TBR1: variants seen among roughly 807,000 people sequenced by gnomAD.
The protein encoded by TBR1 is T-box brain protein 1.
TBR1 carries 7 observed loss-of-function variants against 60.3 expected under a neutral mutation model. The ratio of observed to expected loss-of-function variants is 0.12; its 90% CI spans 0.07 to 0.22. TBR1 has a LOEUF of 0.22. Among genes scored for constraint, TBR1 ranks in the 10% least tolerant of loss-of-function variants. TBR1 has a pLI of 1.00. For missense variants in TBR1, 616 were observed against 936.8 expected (o/e 0.66, Z 4.47); for synonymous variants, 417 against 409.9 (o/e 1.02, Z -0.21).
intron 5 of TBR1, 161 bp downstream of exon 5, chr2:161,420,418 CTTTTTT>C (rs67826360): frequency 7.2e-4 from 69 of 95,374 alleles, no homozygotes; most frequent in East Asian, 2.7e-3. Context: ...TCTTCCTCTT[CTTTTTT>C]TTTTTTTTTT....
chr2:161,420,382 T>A, intron 5 of TBR1, 125 bp downstream of exon 5: 1 of 501,650 alleles, frequency 2.0e-6, no homozygotes, highest in Non-Finnish European at 3.3e-6. Flanking sequence ...TTAGAGGACT[T>A]CTTCTTCTTC....
Position 161,423,239 on chromosome 2 carries a change from G to T in TBR1, c.1191-130G>T, listed in dbSNP as rs1028624150. On this transcript the variant is annotated intron_variant, in intron 5 of 5. Coordinates refer to ENST00000389554, the MANE Select transcript of TBR1 (RefSeq NM_006593.4). The stretch of plus-strand genomic sequence containing the variant: ...TGTATTCTCCAGGAAATCCTGGACT[G>T]CAAGTTTGTAGATGGAGGGTGTGGG... The T allele has an allele frequency of 4.4e-5, 27 of 610,410 alleles. No homozygotes were observed. The African/African-American group carries it at 5.0e-4, about 11-fold the overall frequency. The allele number at this position is 610,410 out of a possible 1,614,324, so 37.8% of individuals were successfully genotyped here.
rs1259028943 is a variant in TBR1 at position 161,424,934 on chromosome 2, C to T, written c.*707C>T. 3 of 152,676 alleles carry T rather than the reference C, an allele frequency of 2.0e-5. No homozygotes were observed. The highest frequency in any genetic ancestry group is 2.9e-5 in the Non-Finnish European group (2 of 68,036). The allele number at this position is 152,676 out of a possible 1,614,324, so 9.5% of individuals were successfully genotyped here. ...TCTTGTGAGATAATATTCTAAGAGG[C>T]TCTAGAAACATGAAATACTCAGTAG... On this transcript the variant is annotated 3_prime_UTR_variant, in exon 6 of 6. Coordinates refer to ENST00000389554, the MANE Select transcript of TBR1 (RefSeq NM_006593.4). The surrounding 1 kb of genome is among the most constrained non-coding windows in gnomAD (Gnocchi z 4.4).
chr2:161,420,415 C>CTTTTTTTTTTTTTTTTTTTT (rs1318718499), intron 5 of TBR1, 158 bp downstream of exon 5: 1 of 187,390 alleles, frequency 5.3e-6, no homozygotes. Context: ...TCTTCTTCCT[C>CTTTTTTTTTTTTTTTTTTTT]TTCTTTTTTT....
At position 161,423,818 on chromosome 2, in the gene TBR1, C is replaced by A; in HGVS notation, c.1640C>A (p.Ala547Asp). The A allele has an allele frequency of 6.8e-7, 1 of 1,474,196 alleles. No homozygotes were observed. The highest frequency in any genetic ancestry group is 9.0e-7 in the Non-Finnish European group (1 of 1,117,004). The allele number at this position is 1,474,196 out of a possible 1,614,324, so 91.3% of individuals were successfully genotyped here. A position where few individuals can be genotyped will look rare whatever the true frequency, so the allele number is the denominator to read the frequency against. Reference protein sequence around the residue: ...GYYADPSGWGARSPPQYCGTK... With the variant: ...GYYADPSGWGDRSPPQYCGTK... ...TACGCCGACCCGTCGGGCTGGGGCG[C>A]CCGCAGTCCCCCGCAGTACTGCGGC... Residue 547 changes from alanine (A) to aspartate (D), a missense_variant, in exon 6 of 6, where the codon GCC (alanine) becomes GAC (aspartate). Transcript: ENST00000389554.
rs1197699686 is a variant in TBR1, at chr2:161,417,595, C to A, written c.693-81C>A. On this transcript the variant is annotated intron_variant, in intron 1 of 5. Transcript: ENST00000389554. This position sits in a 1 kb window ranked among gnomAD's most constrained non-coding sequence, Gnocchi z 5.3. ...GTACAAGTTTTGCTTTGCTAACTGG[C>A]GCCCCGCTTCTTGCATTTAATCTTT... is the stretch of plus-strand genomic sequence containing the variant. 7 of 1,514,694 alleles carry A rather than the reference C, an allele frequency of 4.6e-6. No homozygotes were observed. In the South Asian group the frequency reaches 8.0e-5, roughly 17 times the overall value. 93.8% of individuals were successfully genotyped at this position (1,514,694 alleles called of 1,614,324 possible). A position where few individuals can be genotyped will look rare whatever the true frequency, so the allele number is the denominator to read the frequency against.
chr2:161,419,151 A>AGGT lies in TBR1; in HGVS notation c.1128+101_1128+102insGGT, dbSNP rs1308499222. 1.1e-5 allele frequency: 17 copies of AGGT among 1,538,252 alleles called. No homozygotes were observed. The Admixed American group carries it at 3.2e-4, about 29-fold the overall frequency. On this transcript the variant is annotated intron_variant, in intron 4 of 5. Coordinates refer to ENST00000389554, the MANE Select transcript of TBR1 (RefSeq NM_006593.4). ...GCAAGGCTAGGGTACTAGCAGCGCT[A>AGGT]ACATCAGCAACAGCTGGCTCCGCTG...
At position 161,417,419 on chromosome 2, in the gene TBR1, C is replaced by A. The variant is rs1684141724; in HGVS notation, c.693-257C>A. The stretch of plus-strand genomic sequence containing the variant: ...TGGCATGCACGGACAGGTGGAGACG[C>A]AGGTCGCCAACCTCGCTCTCCACCT... On this transcript the variant is annotated intron_variant, in intron 1 of 5. Transcript: ENST00000389554. The surrounding 1 kb of genome is among the most constrained non-coding windows in gnomAD (Gnocchi z 5.3). 1.8e-6 allele frequency: 1 copy of A among 567,026 alleles called. No homozygotes were observed. Among genetic ancestry groups the A allele is most frequent in the Non-Finnish European group, 3.1e-6 (1 of 324,232 alleles). 35.1% of individuals were successfully genotyped at this position (567,026 alleles called of 1,614,324 possible).
chr2:161,418,668 C>T (rs1206675613), intron 3 of TBR1: 16 of 629,646 alleles, frequency 2.5e-5, no homozygotes, highest in Non-Finnish European at 3.4e-5. Context: ...TCGGCTTCCC[C>T]CTTTTTTCCG....
intron 5 of TBR1, chr2:161,423,018 T>G: frequency 3.4e-5 from 7 of 208,236 alleles, no homozygotes; most frequent in Non-Finnish European, 3.8e-5. Flanking sequence ...TGTGCACACA[T>G]ATGTTGGAGA....
chr2:161,420,148 T>C, intron 4 of TBR1, 48 bp from the exon 5 acceptor site: 1 of 1,514,992 alleles, frequency 6.6e-7, no homozygotes, highest in Non-Finnish European at 9.1e-7. Context: ...AAACACCCAG[T>C]CTTCACGTAT....
Position 161,418,297 on chromosome 2 carries a change from A to G in TBR1, c.944A>G (p.Lys315Arg). The change falls in exon 3 of 6, where the codon AAA becomes AGA. Residue 315 changes from lysine to arginine, a missense_variant. Transcript: ENST00000389554. ...GGAAAATTAAAACTTACGAACAACA[A>G]AGGAGCTTCAAATAACAATGGGCAG... ...SFGKLKLTNN[K>R]GASNNNGQMV... The G allele has an allele frequency of 6.2e-7, 1 of 1,614,032 alleles. No homozygotes were observed. Among genetic ancestry groups the G allele is most frequent in the Non-Finnish European group, 8.5e-7 (1 of 1,179,964 alleles).
At chr2:161,418,429 C>T (rs1684169642) in intron 3 of TBR1, 107 bp downstream of exon 3, 1 of 1,424,166 alleles carries the variant, frequency 7.0e-7, no homozygotes, top group East Asian at 2.4e-5. Context: ...CGTTTCTTTG[C>T]TTCATTAAAA....
At position 161,423,588 on chromosome 2, in the gene TBR1, G is replaced by A. The variant is rs1398335823; in HGVS notation, c.1410G>A (p.Pro470=). Residue 470 remains proline, a synonymous_variant, in exon 6 of 6, where the codon CCG becomes CCA. Transcript: ENST00000389554. ...CGCACACCAACGGGCTGCTGTCGCC[G>A]CAGCAGGCCGAGGACCCGGGCGCGC... ...SVPHTNGLLS[P]QQAEDPGAPS... 3 of 1,537,820 alleles carry A rather than the reference G, an allele frequency of 2.0e-6. No individual in the cohort carries two copies. Among genetic ancestry groups the A allele is most frequent in the East Asian group, 2.6e-5 (1 of 38,588 alleles).
At position 161,424,383 on chromosome 2, in the gene TBR1, A is replaced by G; in HGVS notation, c.*156A>G. On this transcript the variant is annotated 3_prime_UTR_variant, in exon 6 of 6. Coordinates refer to ENST00000389554, the MANE Select transcript of TBR1 (RefSeq NM_006593.4). This position sits in a 1 kb window ranked among gnomAD's most constrained non-coding sequence, Gnocchi z 4.4. ...TGCAGCGAATAAGTGCAGGTCTCCGAGCGTGATTTTAACCTTTTTTGCACA... is the reference window on the plus strand; with the variant it reads ...TGCAGCGAATAAGTGCAGGTCTCCGGGCGTGATTTTAACCTTTTTTGCACA... 1.2e-6 allele frequency: 1 copy of G among 852,698 alleles called. No individual in the cohort carries two copies. The highest frequency in any genetic ancestry group is 2.8e-5 in the East Asian group (1 of 36,134). The allele number at this position is 852,698 out of a possible 1,614,324, so 52.8% of individuals were successfully genotyped here. A position where few individuals can be genotyped will look rare whatever the true frequency, so the allele number is the denominator to read the frequency against.
chr2:161,419,198 C>A (rs373955592), intron 4 of TBR1, 148 bp downstream of exon 4: 1 of 1,161,080 alleles, frequency 8.6e-7, no homozygotes, highest in Non-Finnish European at 1.2e-6. Flanking sequence ...GCTTAGGGCT[C>A]GGGGCCTGCC....
chr2:161,417,292 G>A lies in TBR1; in HGVS notation c.692+190G>A. ...GGGTGATGTTGGTGGGGGGGACCCC[G>A]TTCTAGGAACATAGTGGGAGAGCCA... On this transcript the variant is annotated intron_variant, in intron 1 of 5. Coordinates refer to ENST00000389554, the MANE Select transcript of TBR1 (RefSeq NM_006593.4). This position sits in a 1 kb window ranked among gnomAD's most constrained non-coding sequence, Gnocchi z 5.3. The A allele has an allele frequency of 3.1e-6, 2 of 638,510 alleles. No homozygotes were observed. Among genetic ancestry groups the A allele is most frequent in the South Asian group, 2.1e-5 (1 of 47,686 alleles). The allele number at this position is 638,510 out of a possible 1,614,324, so 39.6% of individuals were successfully genotyped here.
Position 161,418,261 on chromosome 2 carries a change from A to C in TBR1, c.908A>C (p.Glu303Ala). Residue 303 changes from glutamate to alanine, a missense_variant, in exon 3 of 6, where the codon GAA (glutamate) becomes GCA (alanine). By Grantham distance (107) the Glu-to-Ala change is moderately radical. Around this residue, in one of 8 missense-constraint regions of TBR1, gnomAD observed 85 missense variants for 164.9 expected, o/e 0.52. Transcript: ENST00000389554. Reference protein sequence around the residue: ...PNTGAHWMRQEISFGKLKLTN... With the variant: ...PNTGAHWMRQAISFGKLKLTN... ...ACTGGGGCTCACTGGATGCGCCAAG[A>C]AATCTCTTTTGGAAAATTAAAACTT... is the stretch of plus-strand genomic sequence containing the variant. The C allele has an allele frequency of 6.2e-7, 1 of 1,614,098 alleles. No individual in the cohort carries two copies. Among genetic ancestry groups the C allele is most frequent in the Non-Finnish European group, 8.5e-7 (1 of 1,180,012 alleles).
chr2:161,416,819 T>C lies in TBR1; in HGVS notation c.409T>C (p.Phe137Leu). 6.2e-7 allele frequency: 1 copy of C among 1,614,094 alleles called. No homozygotes were observed. Among genetic ancestry groups the C allele is most frequent in the South Asian group, 1.1e-5 (1 of 91,064 alleles). Residue 137 changes from phenylalanine (F) to leucine (L), a missense_variant, in exon 1 of 6, where the codon TTC (phenylalanine) becomes CTC (leucine). Physicochemically the swap from Phe to Leu is conservative, Grantham distance 22. Around this residue, in one of 8 missense-constraint regions of TBR1, gnomAD observed 211 missense variants for 268.7 expected, o/e 0.79. Transcript: ENST00000389554. This position sits in a 1 kb window ranked among gnomAD's most constrained non-coding sequence, Gnocchi z 6.1. ...CCAGCACGGACCGGCGCACCCCGCC[T>C]TCTCCATCGGCAGCCCTAGCCGCTA... ...PGQHGPAHPAFSIGSPSRYMA... is the reference protein window; with the variant it reads ...PGQHGPAHPALSIGSPSRYMA...
Sources: allele counts gnomAD v4.1 joint callset, GRCh38; gene constraint gnomAD v4.1.1; regional missense constraint gnomAD v4.1.1; non-coding constraint Gnocchi (gnomAD v3.1); transcripts MANE v1.5; gene names NCBI Gene and HGNC (gene_info 2026-07-23, HGNC 2026-07-21).